WDR12: variants seen among roughly 807,000 people sequenced by gnomAD.
The protein encoded by WDR12 is WD repeat domain 12.
Under a neutral mutation model 64.3 loss-of-function variants are expected in WDR12, and 42 were observed. The observed-to-expected ratio is 0.65, with a 90% CI of 0.51 to 0.84. WDR12 has a LOEUF of 0.84. Among genes scored for constraint, WDR12 ranks in the 40% least tolerant of loss-of-function variants. The pLI, the probability that WDR12 is intolerant of heterozygous loss-of-function variation, is 0.00. For missense variants in WDR12, 469 were observed against 494.6 expected (o/e 0.95, Z 0.49); for synonymous variants, 158 against 173.3 (o/e 0.91, Z 0.70).
intron 2 of WDR12, among the ~76,000 whole-genome samples, chr2:202,903,446 T>TGGATGGAAGGAA (rs1688387217): frequency 1.0e-5 from 1 of 97,200 alleles, no homozygotes; most frequent in East Asian, 2.9e-4. Flanking sequence ...AGCAATCAGA[T>TGGATGGAAGGAA]GGAAGGAAGG....
intron 7 of WDR12, among the ~76,000 whole-genome samples, chr2:202,894,099 A>G (rs1487467079): frequency 2.0e-5 from 3 of 152,116 alleles, no homozygotes; most frequent in Admixed American, 2.0e-4. Context: ...TCCTGTAAGT[A>G]AGGGGGTGGT....
intron 4 of WDR12, among the ~76,000 whole-genome samples, chr2:202,897,926 A>ATATATATATATATAT (rs1559162254): frequency 2.5e-3 from 133 of 54,132 alleles, no homozygotes; most frequent in Non-Finnish European, 4.0e-3. Flanking sequence ...TATATATATA[A>ATATATATATATATAT]AAAATATATA....
intron 6 of WDR12, 155 bp downstream of exon 6, chr2:202,895,910 A>G (rs1463722370): frequency 4.0e-6 from 3 of 759,018 alleles, no homozygotes; most frequent in East Asian, 2.7e-5. Flanking sequence ...ACTATCTCCT[A>G]TTGTATGAGT....
chr2:202,894,359 G>C (rs746346758), intron 7 of WDR12, among the ~76,000 whole-genome samples: 17 of 151,970 alleles, frequency 1.1e-4, no homozygotes, highest in Non-Finnish European at 1.9e-4. Context: ...TAGGACTACC[G>C]GTGCATACCA....
intron 8 of WDR12, among the ~76,000 whole-genome samples, chr2:202,885,657 C>A (rs1559158860): frequency 6.6e-6 from 1 of 152,160 alleles, no homozygotes; most frequent in Non-Finnish European, 1.5e-5. Context: ...AAATAATGTA[C>A]ACAGTTCACT....
In WDR12 at chr2:202,883,679, A is replaced by C; in HGVS notation, c.1051T>G (p.Ser351Ala). 1 of 1,614,138 alleles carries C rather than the reference A, an allele frequency of 6.2e-7. No homozygotes were observed. Among genetic ancestry groups the C allele is most frequent in the Middle Eastern group, 1.6e-4 (1 of 6,062 alleles). Reference sequence around the variant, plus strand: ...ATCAGCTGCTGTTCATGGGTAGGAGACCATTTTACTGATGTCACCCAACCA... The same window carrying C: ...ATCAGCTGCTGTTCATGGGTAGGAGCCCATTTTACTGATGTCACCCAACCA... ...HTGWVTSVKW[S>A]PTHEQQLISG... The change falls in exon 11 of 13, where the codon TCT becomes GCT. Residue 351 changes from serine to alanine, a missense_variant. By Grantham distance (99) the Ser-to-Ala change is moderately conservative. Coordinates refer to ENST00000261015, the MANE Select transcript of WDR12 (RefSeq NM_018256.4).
At position 202,880,778 on chromosome 2, in the gene WDR12, G is replaced by T; in HGVS notation, c.*82C>A. ...TATAAACTTCAAAAGGCTGCTTTCT[G>T]CATCTGCATCTATGTAATTTCATGG... On this transcript the variant is annotated 3_prime_UTR_variant, in exon 13 of 13. Coordinates refer to ENST00000261015, the MANE Select transcript of WDR12 (RefSeq NM_018256.4). 1 of 1,236,452 alleles carries T rather than the reference G, an allele frequency of 8.1e-7. No homozygotes were observed. Among genetic ancestry groups the T allele is most frequent in the Non-Finnish European group, 1.1e-6 (1 of 883,500 alleles). The allele number at this position is 1,236,452 out of a possible 1,614,324, so 76.6% of individuals were successfully genotyped here.
At chr2:202,908,090 C>T in intron 1 of WDR12, 131 bp from the exon 2 acceptor site, 1 of 805,856 alleles carries the variant, frequency 1.2e-6, no homozygotes. Flanking sequence ...ATGTTGTAAA[C>T]AAAAATGAAT....
intron 1 of WDR12, among the ~76,000 whole-genome samples, chr2:202,910,987 A>C (rs1159419552): frequency 6.6e-6 from 1 of 152,328 alleles, no homozygotes. Context: ...AACACAAAGA[A>C]AGCTAACAAT....
chr2:202,894,029 A>T lies in WDR12; in HGVS notation c.655+552T>A, dbSNP rs114085847. Among the ~76,000 whole-genome samples, 490 of 152,238 alleles carry T rather than the reference A, an allele frequency of 3.2e-3. 4 individuals are homozygous for T. Among genetic ancestry groups the T allele is most frequent in the African/African-American group, 0.011 (472 of 41,542 alleles). On this transcript the variant is annotated intron_variant, in intron 7 of 12. Coordinates refer to ENST00000261015, the MANE Select transcript of WDR12 (RefSeq NM_018256.4). ...CCTGAATAAGAGAACTTTGAGAATC[A>T]AGGTATTTATGTCCTATTGCACCAA...
At chr2:202,885,045 C>T (rs551020726) in intron 8 of WDR12, among the ~76,000 whole-genome samples, 1 of 152,322 alleles carries the variant, frequency 6.6e-6, no homozygotes, top group African/African-American at 2.4e-5. Flanking sequence ...AACTGGCCAG[C>T]ATAGCCTGGG....
chr2:202,882,111 G>T (rs1687960783), intron 12 of WDR12, among the ~76,000 whole-genome samples: 1 of 151,822 alleles, frequency 6.6e-6, no homozygotes. Context: ...TTTAATTTTT[G>T]TAGAGACATC....
chr2:202,882,610 G>A (rs191792824), intron 12 of WDR12, 101 bp downstream of exon 12: 3 of 1,216,014 alleles, frequency 2.5e-6, no homozygotes, highest in African/African-American at 1.5e-5. Context: ...TTACAGGCGT[G>A]AGCCACTGCA....
At chr2:202,891,390 T>C (rs1464296565) in intron 8 of WDR12, among the ~76,000 whole-genome samples, 1 of 152,180 alleles carries the variant, frequency 6.6e-6, no homozygotes. Context: ...GCTCAAGCAA[T>C]CTGCCCGCCT....
intron 5 of WDR12, among the ~76,000 whole-genome samples, chr2:202,896,880 G>A (rs1002049350): frequency 6.6e-6 from 1 of 151,040 alleles, no homozygotes; most frequent in Non-Finnish European, 1.5e-5. Flanking sequence ...CCAGCTACTC[G>A]AGAGGCTGAG....
intron 3 of WDR12, among the ~76,000 whole-genome samples, chr2:202,900,490 T>C (rs1389142991): frequency 2.0e-5 from 3 of 152,226 alleles, no homozygotes; most frequent in Non-Finnish European, 2.9e-5. Context: ...CTGAATTGTA[T>C]ACTTAAAAAT....
chr2:202,886,559 G>C (rs561141708), intron 8 of WDR12, among the ~76,000 whole-genome samples: 1 of 152,170 alleles, frequency 6.6e-6, no homozygotes, highest in Non-Finnish European at 1.5e-5. Context: ...CCTGAGGTCA[G>C]GAGTTCAAGA....
intron 7 of WDR12, among the ~76,000 whole-genome samples, 200 bp downstream of exon 7, chr2:202,894,381 T>A (rs2105907304): frequency 6.6e-6 from 1 of 152,304 alleles, no homozygotes; most frequent in Non-Finnish European, 1.5e-5. Flanking sequence ...CACACCTTGC[T>A]AATTTTAATT....
In WDR12 at chr2:202,874,583, A is replaced by G. The variant is rs1318062309; in HGVS notation, c.*6277T>C. The stretch of plus-strand genomic sequence containing the variant: ...TTATTCTACTGTTTTGTACTGTTTT[A>G]CTAAGGATTAGAGGTCTATTGAATC... On this transcript the variant is annotated 3_prime_UTR_variant, in exon 13 of 13. Transcript: ENST00000261015. 1.3e-5 allele frequency among the ~76,000 whole-genome samples: 2 copies of G among 152,228 alleles called. No homozygotes were observed. Among genetic ancestry groups the G allele is most frequent in the Non-Finnish European group, 2.9e-5 (2 of 68,044 alleles).
Sources: gnomAD v4.1 joint callset for allele counts (sites outside exome capture counted in the v4.1 genomes callset) on GRCh38, gnomAD v4.1.1 for gene constraint, MANE v1.5 for transcripts, NCBI Gene and HGNC (gene_info 2026-07-23, HGNC 2026-07-21) for gene names.